Variants in ITPR2 observed in about 807,000 individuals in gnomAD.
ITPR2 encodes the protein inositol 1,4,5-trisphosphate-gated calcium channel ITPR2.
In ITPR2, 207 loss-of-function variants were observed where a neutral mutation model predicts 317.1. That is an observed-to-expected ratio of 0.65 (90% CI 0.58 to 0.73). ITPR2 has a LOEUF of 0.73. Ranked by LOEUF, ITPR2 falls within the 30% of genes least tolerant of loss-of-function variation. The pLI is 0.00. For synonymous variants in ITPR2, 1,156 were observed against 1,149.1 expected (o/e 1.01, Z -0.12); for missense variants, 2,613 against 3,284.0 (o/e 0.80, Z 4.99).
At position 26,339,319 on chromosome 12, in the gene ITPR2, T is replaced by G; in HGVS notation, c.*78A>C. 2 of 1,256,720 alleles carry G rather than the reference T, an allele frequency of 1.6e-6. No homozygotes were observed. Among genetic ancestry groups the G allele is most frequent in the Non-Finnish European group, 2.3e-6 (2 of 862,750 alleles). 77.8% of individuals were successfully genotyped at this position (1,256,720 alleles called of 1,614,324 possible). On this transcript the variant is annotated 3_prime_UTR_variant, in exon 57 of 57. Transcript: ENST00000381340. Reference sequence around the variant, plus strand: ...CTTTTCAACAATAGGCACTGTTCACTCCCCTCCATCTCAGTTCTTTATTCA... The same window carrying G: ...CTTTTCAACAATAGGCACTGTTCACGCCCCTCCATCTCAGTTCTTTATTCA...
chr12:26,775,961 C>CATATATATA (rs1555189746), intron 2 of ITPR2, among the ~76,000 whole-genome samples: 17 of 65,692 alleles, frequency 2.6e-4, no homozygotes, highest in Non-Finnish European at 5.1e-4. Context: ...TATGTATATC[C>CATATATATA]TATTAGTTCT....
intron 43 of ITPR2, among the ~76,000 whole-genome samples, chr12:26,478,982 T>A (rs1269725970): frequency 1.3e-5 from 2 of 151,862 alleles, no homozygotes. Flanking sequence ...TGGTATCTTT[T>A]TAATGTTAAA....
chr12:26,389,965 T>C (rs532232553), intron 54 of ITPR2, among the ~76,000 whole-genome samples: 2 of 152,350 alleles, frequency 1.3e-5, no homozygotes, highest in East Asian at 3.9e-4. Context: ...ATATTTCTTT[T>C]CTTCACCAAC....
At chr12:26,766,403 A>G (rs1949720004) in intron 2 of ITPR2, among the ~76,000 whole-genome samples, 1 of 151,944 alleles carries the variant, frequency 6.6e-6, no homozygotes, top group African/African-American at 2.4e-5. Context: ...TGCGTTTACT[A>G]ACCATTTTTA....
rs768272850 is a variant in ITPR2 at position 26,561,935 on chromosome 12, C to A, written c.4648G>T (p.Ala1550Ser). The change falls in exon 35 of 57, where the codon GCC becomes TCC. Residue 1550 changes from alanine to serine, a missense_variant. Around this residue, in one of 9 missense-constraint regions of ITPR2, gnomAD observed 926 missense variants for 1,072.8 expected, o/e 0.86. Transcript: ENST00000381340. The stretch of plus-strand genomic sequence containing the variant: ...TGGCTGTCCAAATCCACTGGAATGG[C>A]AATTCCACGATTTTTTGCTGAAAAA... ...LAEVAKNRGI[A>S]IPVDLDSQVN... The A allele has an allele frequency of 6.6e-7, 1 of 1,516,588 alleles. No individual in the cohort carries two copies. Among genetic ancestry groups the A allele is most frequent in the South Asian group, 1.4e-5 (1 of 73,948 alleles). The allele number at this position is 1,516,588 out of a possible 1,614,324, so 93.9% of individuals were successfully genotyped here.
At chr12:26,635,709 G>A (rs977501450) in intron 21 of ITPR2, among the ~76,000 whole-genome samples, 5 of 152,158 alleles carry the variant, frequency 3.3e-5, no homozygotes, top group African/African-American at 1.2e-4. Context: ...CATGATTCTG[G>A]AAGTCTTCCT....
intron 55 of ITPR2, among the ~76,000 whole-genome samples, chr12:26,342,888 C>T (rs2011916): frequency 0.25 from 37,442 of 151,492 alleles, 5,173 homozygotes; most frequent in African/African-American, 0.37. Flanking sequence ...GGATTACAGG[C>T]GTGAGCCACC....
intron 21 of ITPR2, among the ~76,000 whole-genome samples, chr12:26,634,314 C>A (rs1001549195): frequency 6.6e-6 from 1 of 152,188 alleles, no homozygotes; most frequent in Non-Finnish European, 1.5e-5. Context: ...AGAAAAACTT[C>A]TAATTCTAAA....
intron 2 of ITPR2, among the ~76,000 whole-genome samples, chr12:26,745,201 C>A (rs1024918064): frequency 1.3e-5 from 2 of 152,156 alleles, no homozygotes; most frequent in African/African-American, 4.8e-5. Context: ...ATAAAGAAGC[C>A]CTGGTGCTTC....
chr12:26,766,020 C>T (rs1405363016), intron 2 of ITPR2, among the ~76,000 whole-genome samples: 1 of 152,082 alleles, frequency 6.6e-6, no homozygotes, highest in East Asian at 1.9e-4. Context: ...AGGGATATAT[C>T]GTATTGTGTT....
rs116389919 is a variant in ITPR2, at chr12:26,412,766, G to A, written c.7307-1354C>T. On this transcript the variant is annotated intron_variant, in intron 51 of 56. Coordinates refer to ENST00000381340, the MANE Select transcript of ITPR2 (RefSeq NM_002223.4). ...CAAGGTAAGGCAGGGAGCAAAGGGG[G>A]TGATTCCAGGTACAATTTGTCTGAC... 2.2e-3 allele frequency among the ~76,000 whole-genome samples: 342 copies of A among 152,252 alleles called. 2 individuals carry two copies. The highest frequency in any genetic ancestry group is 8.0e-3 in the African/African-American group (333 of 41,554).
chr12:26,611,331 A>T (rs553535073), intron 26 of ITPR2, among the ~76,000 whole-genome samples: 1 of 152,322 alleles, frequency 6.6e-6, no homozygotes, highest in South Asian at 2.1e-4. Flanking sequence ...TACATCACAC[A>T]TCCATTAAAA....
At chr12:26,812,341 G>A (rs969185360) in intron 1 of ITPR2, among the ~76,000 whole-genome samples, 1 of 152,108 alleles carries the variant, frequency 6.6e-6, no homozygotes, top group African/African-American at 2.4e-5. Flanking sequence ...CACTCTGGGA[G>A]GCCGAGGTGG....
At chr12:26,776,601 C>A (rs1949975642) in intron 2 of ITPR2, among the ~76,000 whole-genome samples, 1 of 152,108 alleles carries the variant, frequency 6.6e-6, no homozygotes, top group African/African-American at 2.4e-5. Context: ...TATGGGAGGA[C>A]CCTGATGAAG....
At chr12:26,765,131 G>A (rs559158342) in intron 2 of ITPR2, among the ~76,000 whole-genome samples, 20 of 152,098 alleles carry the variant, frequency 1.3e-4, no homozygotes, top group African/African-American at 4.3e-4. Context: ...AATACCCACA[G>A]AATTTTGTAT....
At position 26,715,197 on chromosome 12, in the gene ITPR2, G is replaced by A. The variant is rs1948715448; in HGVS notation, c.855+102C>T. The A allele has an allele frequency of 3.8e-6, 4 of 1,057,694 alleles. No individual in the cohort carries two copies. In the Admixed American group the frequency reaches 9.5e-5, roughly 25 times the overall value. 65.5% of individuals were successfully genotyped at this position (1,057,694 alleles called of 1,614,324 possible). A position where few individuals can be genotyped will look rare whatever the true frequency, so the allele number is the denominator to read the frequency against. ...GTTCACAAAAATTATTCTATTTTAT[G>A]ATTCTATCATAAATGATGCCTATAA... On this transcript the variant is annotated intron_variant, in intron 8 of 56. Transcript: ENST00000381340.
At chr12:26,634,440 T>C (rs1482978) in intron 21 of ITPR2, among the ~76,000 whole-genome samples, 26,393 of 152,236 alleles carry the variant, frequency 0.17, 3,578 homozygotes, top group East Asian at 0.56. Flanking sequence ...AAAAGCCTAC[T>C]ATAATATAAA....
intron 9 of ITPR2, among the ~76,000 whole-genome samples, chr12:26,708,288 C>A (rs1410481441): frequency 6.6e-6 from 1 of 152,118 alleles, no homozygotes. Context: ...GGAAGAGGTA[C>A]CTGCATTCCC....
chr12:26,717,599 G>A (rs1948764373), intron 5 of ITPR2, among the ~76,000 whole-genome samples: 1 of 152,172 alleles, frequency 6.6e-6, no homozygotes, highest in Non-Finnish European at 1.5e-5. Flanking sequence ...TCATTAAGGA[G>A]CAGTATTAAG....
Sources: gnomAD v4.1 joint callset for allele counts (sites outside exome capture counted in the v4.1 genomes callset) on GRCh38, gnomAD v4.1.1 for gene constraint, gnomAD v4.1.1 regional missense constraint, MANE v1.5 for transcripts, NCBI Gene and HGNC (gene_info 2026-07-23, HGNC 2026-07-21) for gene names.